Variants in SDK1 observed in about 807,000 individuals in gnomAD.
The protein encoded by SDK1 is protein sidekick-1.
In SDK1, 157 loss-of-function variants were observed where a neutral mutation model predicts 245.5. The observed-to-expected ratio is 0.64, with a 90% CI of 0.56 to 0.73. The LOEUF (loss-of-function observed/expected upper bound fraction) is 0.73. Among genes scored for constraint, SDK1 ranks in the 30% least tolerant of loss-of-function variants. The pLI, the probability that SDK1 is intolerant of heterozygous loss-of-function variation, is 0.00. For synonymous variants in SDK1, 1,647 were observed against 1,278.5 expected (o/e 1.29, Z -6.15); for missense variants, 3,583 against 3,002.3 (o/e 1.19, Z -4.52).
chr7:3,784,675 C>T (rs1780846676), intron 4 of SDK1, among the ~76,000 whole-genome samples: 1 of 152,152 alleles, frequency 6.6e-6, no homozygotes, highest in Admixed American at 6.5e-5. Context: ...ACATCTCACA[C>T]CTGTCAGAAT....
At chr7:3,390,059 G>T (rs894786814) in intron 1 of SDK1, among the ~76,000 whole-genome samples, 1 of 152,218 alleles carries the variant, frequency 6.6e-6, no homozygotes, top group Admixed American at 6.5e-5. Flanking sequence ...AGAGCTCTAC[G>T]GAAAGCAGAA....
At chr7:4,174,384 C>A (rs369648374) in intron 33 of SDK1, 27 bp downstream of exon 33, 2 of 1,611,420 alleles carry the variant, frequency 1.2e-6, no homozygotes, top group Non-Finnish European at 1.7e-6. Flanking sequence ...TGTCCTGGTA[C>A]AGGGAGGGAG....
chr7:3,568,687 A>T (rs1451325846), intron 1 of SDK1, among the ~76,000 whole-genome samples: 3 of 152,204 alleles, frequency 2.0e-5, no homozygotes, highest in African/African-American at 7.2e-5. Flanking sequence ...ATTATAATTT[A>T]TGACTCTTTC....
intron 30 of SDK1, among the ~76,000 whole-genome samples, chr7:4,157,013 C>T (rs1042162592): frequency 1.3e-5 from 2 of 152,162 alleles, no homozygotes; most frequent in Non-Finnish European, 2.9e-5. Flanking sequence ...TATGAAGAGC[C>T]GCTGCCCGCC....
chr7:3,642,924 T>C (rs1303823057), intron 4 of SDK1: 1 of 152,238 alleles, frequency 6.6e-6, no homozygotes, highest in African/African-American at 2.4e-5. Context: ...CAGATAAAAA[T>C]TCATCAGGAG....
At chr7:3,705,584 G>C (rs1784863970) in intron 4 of SDK1, among the ~76,000 whole-genome samples, 1 of 151,856 alleles carries the variant, frequency 6.6e-6, no homozygotes, top group African/African-American at 2.4e-5. Context: ...CAATGCTACT[G>C]ATTGGTATAC....
In SDK1 at chr7:3,709,647, C is replaced by G. The variant is rs1308223234; in HGVS notation, c.713+67542C>G. 2.6e-5 allele frequency among the ~76,000 whole-genome samples: 4 copies of G among 152,116 alleles called. No homozygotes were observed. The South Asian group carries it at 8.3e-4, about 31-fold the overall frequency. ...GGTGTGTCTCTGCAGACTATTTTTT[C>G]TTTCCAAGGGGGAGACGCATGCTAA... On this transcript the variant is annotated intron_variant, in intron 4 of 44. Transcript: ENST00000404826.
At chr7:3,313,195 T>A (rs995707763) in intron 1 of SDK1, among the ~76,000 whole-genome samples, 1 of 151,958 alleles carries the variant, frequency 6.6e-6, no homozygotes, top group African/African-American at 2.4e-5. Flanking sequence ...GATCACGAGG[T>A]CAAGAGATCG....
intron 17 of SDK1, among the ~76,000 whole-genome samples, chr7:4,045,626 G>A (rs1028267931): frequency 3.9e-5 from 6 of 152,070 alleles, no homozygotes; most frequent in African/African-American, 9.7e-5. Flanking sequence ...CGTGGCTCGC[G>A]CATGTTTAAC....
At chr7:3,821,381 T>C in intron 4 of SDK1, 69 bp from the exon 5 acceptor site, 1 of 1,538,056 alleles carries the variant, frequency 6.5e-7, no homozygotes, top group Non-Finnish European at 8.8e-7. Flanking sequence ...TTGGCCTAAT[T>C]AATTTTGTCT....
intron 1 of SDK1, among the ~76,000 whole-genome samples, chr7:3,443,453 T>C (rs1780255786): frequency 6.6e-6 from 1 of 152,244 alleles, no homozygotes; most frequent in South Asian, 2.1e-4. Flanking sequence ...TCAGCCATGC[T>C]AATAAAATTT....
chr7:4,007,093 G>A (rs1191077466), intron 14 of SDK1, among the ~76,000 whole-genome samples: 1 of 152,246 alleles, frequency 6.6e-6, no homozygotes, highest in East Asian at 1.9e-4. Context: ...GATGTCTGAA[G>A]GAAGAAAGGG....
intron 4 of SDK1, among the ~76,000 whole-genome samples, chr7:3,692,818 G>C (rs560358566): frequency 6.6e-6 from 1 of 152,182 alleles, no homozygotes; most frequent in African/African-American, 2.4e-5. Flanking sequence ...ATGCCTTCAA[G>C]TGGTATTTGT....
In SDK1 at chr7:3,565,206, G is replaced by A. The variant is rs370544508; in HGVS notation, c.299-53874G>A. ...CCAGTCTTGCTTTCTTCCATCCGCT[G>A]TAGCAGGAAAATGGCCTCTACTTCA... On this transcript the variant is annotated intron_variant, in intron 1 of 44. Transcript: ENST00000404826. 2.9e-4 allele frequency among the ~76,000 whole-genome samples: 44 copies of A among 151,752 alleles called. 1 individual carries two copies. The highest frequency in any genetic ancestry group is 3.4e-3 in the Middle Eastern group (1 of 294).
chr7:3,434,096 A>G (rs111870109), intron 1 of SDK1, among the ~76,000 whole-genome samples: 174 of 152,274 alleles, frequency 1.1e-3, no homozygotes, highest in African/African-American at 4.0e-3. Context: ...AAATCTATCC[A>G]TATGGGCTCA....
chr7:3,848,984 C>G (rs1240177999), intron 5 of SDK1, among the ~76,000 whole-genome samples: 1 of 152,130 alleles, frequency 6.6e-6, no homozygotes, highest in Non-Finnish European at 1.5e-5. Flanking sequence ...GTTTTCTTTT[C>G]TAAATATGCC....
chr7:3,701,138 A>G (rs2115007077), intron 4 of SDK1, among the ~76,000 whole-genome samples: 1 of 152,342 alleles, frequency 6.6e-6, no homozygotes, highest in South Asian at 2.1e-4. Flanking sequence ...AAAATCAATC[A>G]CATTTCTATA....
At chr7:3,427,733 G>GT (rs1279647053) in intron 1 of SDK1, among the ~76,000 whole-genome samples, 2 of 152,012 alleles carry the variant, frequency 1.3e-5, no homozygotes, top group African/African-American at 2.4e-5. Context: ...TTAATGTGAA[G>GT]TTTTTTTGCT....
Position 3,746,791 on chromosome 7 carries a change from C to T in SDK1, c.714-74659C>T, listed in dbSNP as rs923534838. On this transcript the variant is annotated intron_variant, in intron 4 of 44. Transcript: ENST00000404826. ...TGCACTTACTTCTTCCACTGCAATG[C>T]TGAACCCCTCAAACTCACCCATGAG... Among the ~76,000 whole-genome samples the T allele has an allele frequency of 2.0e-4, 30 of 152,218 alleles. 1 individual carries two copies. The highest frequency in any genetic ancestry group is 2.9e-5 in the Non-Finnish European group (2 of 68,042).
Sources: allele counts gnomAD v4.1 joint callset (sites outside exome capture counted in the v4.1 genomes callset), GRCh38; gene constraint gnomAD v4.1.1; transcripts MANE v1.5; gene names NCBI Gene and HGNC (gene_info 2026-07-23, HGNC 2026-07-21).